Variants in EHBP1 observed in about 807,000 individuals in gnomAD.
EHBP1 encodes the protein EH domain-binding protein 1.
EHBP1 carries 55 observed loss-of-function variants against 144.0 expected under a neutral mutation model. The observed-to-expected ratio is 0.38, with a 90% confidence interval of 0.31 to 0.48. The LOEUF (loss-of-function observed/expected upper bound fraction) is 0.48, where lower values mean the gene tolerates loss of function less well. EHBP1 is among the 20% of genes least tolerant of loss of function. The pLI is 0.98. For missense variants in EHBP1, 1,200 were observed against 1,364.2 expected, an observed-to-expected ratio of 0.88 and a Z score of 1.90; for synonymous variants, 469 against 472.7, an observed-to-expected ratio of 0.99 and a Z score of 0.10.
intron 7 of EHBP1, among the ~76,000 whole-genome samples, chr2:62,846,907 A>G (rs1473174832): frequency 6.6e-6 from 1 of 152,200 alleles, no homozygotes; most frequent in Non-Finnish European, 1.5e-5. Flanking sequence ...ATTTTTCCTC[A>G]AATCAATCTG....
At chr2:62,702,501 G>A (rs542318329), upstream of EHBP1, among the ~76,000 whole-genome samples, 5 of 152,112 alleles carry the variant, frequency 3.3e-5, no homozygotes, top group African/African-American at 4.8e-5. Flanking sequence ...TAAGAAAAGG[G>A]TAACTTCTAG....
At chr2:63,038,894 G>A (rs967955979) in intron 21 of EHBP1, 78 bp downstream of exon 21, 1 of 1,378,500 alleles carries the variant, frequency 7.3e-7, no homozygotes, top group Non-Finnish European at 1.0e-6. Flanking sequence ...TACACTTCTG[G>A]TCTTACTAGA....
intron 7 of EHBP1, among the ~76,000 whole-genome samples, chr2:62,858,041 G>A (rs1018364163): frequency 2.0e-5 from 3 of 152,030 alleles, no homozygotes; most frequent in African/African-American, 4.8e-5. Flanking sequence ...TGTAGTATCA[G>A]AGTATATATA....
intron 19 of EHBP1, among the ~76,000 whole-genome samples, chr2:63,023,692 T>A (rs1456353109): frequency 6.6e-6 from 1 of 152,178 alleles, no homozygotes; most frequent in Non-Finnish European, 1.5e-5. Context: ...GCACTAACGT[T>A]TCTTCCCTAC....
chr2:62,873,447 TA>T lies in EHBP1; in HGVS notation c.999-896del, dbSNP rs574249634. Among the ~76,000 whole-genome samples, 46 of 151,976 alleles carry T rather than the reference TA, an allele frequency of 3.0e-4. No individual in the cohort carries two copies. In the East Asian group the frequency reaches 8.1e-3, roughly 27 times the overall value. ...TATCTAGAATATAGCACAAGAAGAA[TA>T]AAGATTTATAAAAATGGAAAGGCTA... On this transcript the variant is annotated intron_variant, in intron 9 of 22. Coordinates refer to ENST00000431489, the MANE Select transcript of EHBP1 (RefSeq NM_001142616.3).
At chr2:63,018,357 T>C (rs1033233211) in intron 19 of EHBP1, among the ~76,000 whole-genome samples, 1 of 152,222 alleles carries the variant, frequency 6.6e-6, no homozygotes, top group African/African-American at 2.4e-5. Context: ...TTCAGCTAAT[T>C]CAAGCTTCTG....
chr2:62,888,198 C>T (rs189806731), intron 10 of EHBP1, among the ~76,000 whole-genome samples: 2 of 152,326 alleles, frequency 1.3e-5, no homozygotes, highest in African/African-American at 4.8e-5. Flanking sequence ...ATCCCCTTGA[C>T]TCACACTAGT....
chr2:62,787,263 C>T (rs947228889), intron 5 of EHBP1, among the ~76,000 whole-genome samples: 10 of 151,982 alleles, frequency 6.6e-5, no homozygotes, highest in Non-Finnish European at 1.3e-4. Context: ...CTAATTTTAA[C>T]AATGGTTCTA....
At chr2:62,714,991 T>C (rs960145567) in intron 2 of EHBP1, among the ~76,000 whole-genome samples, 1 of 152,210 alleles carries the variant, frequency 6.6e-6, no homozygotes, top group African/African-American at 2.4e-5. Context: ...TTCAAGCAAA[T>C]GTTGGGCTAA....
At chr2:62,680,330 T>C (rs1237293160) in intron 1 of EHBP1, among the ~76,000 whole-genome samples, 1 of 152,246 alleles carries the variant, frequency 6.6e-6, no homozygotes, top group Non-Finnish European at 1.5e-5. Context: ...TTATTGAATC[T>C]AAAGATAAGT....
intron 21 of EHBP1, 128 bp from the exon 22 acceptor site, chr2:63,044,938 T>TTATAG (rs2153383726): frequency 3.0e-6 from 2 of 662,260 alleles, no homozygotes; most frequent in East Asian, 5.6e-5. Context: ...CAGAAAACAC[T>TTATAG]AGCTAGTGGC....
At chr2:63,007,790 G>A (rs552016962) in intron 19 of EHBP1, among the ~76,000 whole-genome samples, 16 of 151,928 alleles carry the variant, frequency 1.1e-4, no homozygotes, top group African/African-American at 3.9e-4. Context: ...AAGAAATTCA[G>A]CAGGGTTTTT....
At chr2:62,922,984 A>G (rs1203192565) in intron 10 of EHBP1, among the ~76,000 whole-genome samples, 1 of 152,186 alleles carries the variant, frequency 6.6e-6, no homozygotes, top group Non-Finnish European at 1.5e-5. Flanking sequence ...ATGCAGCTGC[A>G]TTGCCCCAGT....
chr2:62,889,237 T>TTG (rs936812534), intron 10 of EHBP1, among the ~76,000 whole-genome samples: 4 of 150,728 alleles, frequency 2.7e-5, no homozygotes, highest in African/African-American at 9.8e-5. Flanking sequence ...TTTGGTGTTT[T>TTG]TGTGTGTGTG....
intron 3 of EHBP1, 102 bp downstream of exon 3, chr2:62,747,554 T>G (rs529842434): frequency 2.0e-5 from 18 of 890,956 alleles, no homozygotes; most frequent in Non-Finnish European, 2.8e-5. Context: ...TGATGTTTTG[T>G]TTTTTTTTCT....
chr2:62,920,722 A>C (rs533958587), intron 10 of EHBP1, among the ~76,000 whole-genome samples: 16 of 151,952 alleles, frequency 1.1e-4, no homozygotes, highest in African/African-American at 3.9e-4. Flanking sequence ...GAGTGCAATG[A>C]CGTGATTTCT....
Position 63,038,645 on chromosome 2 carries a change from T to C in EHBP1, c.3204-98T>C, listed in dbSNP as rs1200797301. The stretch of plus-strand genomic sequence containing the variant: ...AGTGGCTTAAACTTAAAGAGAAAAG[T>C]CAGTTATGAGTCCTAAAATCAATGT... On this transcript the variant is annotated intron_variant, in intron 20 of 22. Transcript: ENST00000431489. 7 of 1,072,540 alleles carry C rather than the reference T, an allele frequency of 6.5e-6. No homozygotes were observed. In the African/African-American group the frequency reaches 1.1e-4, roughly 17 times the overall value. The allele number at this position is 1,072,540 out of a possible 1,614,324, so 66.4% of individuals were successfully genotyped here.
At chr2:62,772,486 G>GA (rs1395426016) in intron 5 of EHBP1, among the ~76,000 whole-genome samples, 10 of 152,210 alleles carry the variant, frequency 6.6e-5, no homozygotes, top group African/African-American at 2.2e-4. Context: ...GGATGAAATG[G>GA]AAAATATGTT....
intron 10 of EHBP1, among the ~76,000 whole-genome samples, chr2:62,894,263 A>G (rs1449220574): frequency 1.3e-5 from 2 of 152,222 alleles, no homozygotes; most frequent in East Asian, 3.8e-4. Flanking sequence ...AGTATGGTAC[A>G]TTATAATTAG....
Sources: allele counts gnomAD v4.1 joint callset (sites outside exome capture counted in the v4.1 genomes callset), GRCh38; gene constraint gnomAD v4.1.1; transcripts MANE v1.5; gene names NCBI Gene and HGNC (gene_info 2026-07-23, HGNC 2026-07-21).